Variants in ITGBL1 observed in about 807,000 individuals in gnomAD.
ITGBL1 encodes integrin subunit beta like 1.
In ITGBL1, 51 loss-of-function variants were observed where a neutral mutation model predicts 68.5. That is an observed-to-expected ratio of 0.74 (90% CI 0.59 to 0.94). The LOEUF is 0.94. Ranked by LOEUF, ITGBL1 falls within the 40% of genes least tolerant of loss-of-function variation. The probability of loss-of-function intolerance (pLI) is 0.00; values close to 1 mark genes in which losing one functional copy is unlikely to be tolerated. For missense variants in ITGBL1, 649 were observed against 647.4 expected, an observed-to-expected ratio of 1.00 and a Z score of -0.03; for synonymous variants, 209 against 227.3, an observed-to-expected ratio of 0.92 and a Z score of 0.72.
intron 2 of ITGBL1, among the ~76,000 whole-genome samples, chr13:101,549,817 G>A (rs548241138): frequency 3.4e-4 from 52 of 151,962 alleles, no homozygotes; most frequent in African/African-American, 1.3e-3. Context: ...CACATTGTCG[G>A]TGAAAATAAA....
intron 7 of ITGBL1, among the ~76,000 whole-genome samples, chr13:101,619,334 A>G (rs993537698): frequency 1.3e-5 from 2 of 152,034 alleles, no homozygotes; most frequent in African/African-American, 4.8e-5. Context: ...GGTGTGCCCA[A>G]TACAATCACA....
At chr13:101,683,202 T>C (rs1447078482) in intron 7 of ITGBL1, among the ~76,000 whole-genome samples, 1 of 152,044 alleles carries the variant, frequency 6.6e-6, no homozygotes, top group East Asian at 1.9e-4. Context: ...ACCCTCTCCC[T>C]AAAAAGATAA....
At chr13:101,666,940 C>T (rs1449989171) in intron 7 of ITGBL1, among the ~76,000 whole-genome samples, 1 of 152,134 alleles carries the variant, frequency 6.6e-6, no homozygotes, top group Non-Finnish European at 1.5e-5. Context: ...AGCCATCTGC[C>T]AAGTATGAAA....
At chr13:101,709,120 C>T (rs1291103802) in intron 9 of ITGBL1, among the ~76,000 whole-genome samples, 1 of 151,498 alleles carries the variant, frequency 6.6e-6, no homozygotes, top group Non-Finnish European at 1.5e-5. Flanking sequence ...AATCCCAGCA[C>T]TTTGGGAGGC....
chr13:101,468,073 A>T (rs1405882811), intron 2 of ITGBL1, among the ~76,000 whole-genome samples: 1 of 152,226 alleles, frequency 6.6e-6, no homozygotes, highest in Non-Finnish European at 1.5e-5. Flanking sequence ...TCTGCTGAGC[A>T]AAATAGTTAG....
chr13:101,645,362 C>G (rs1308037500), intron 7 of ITGBL1, among the ~76,000 whole-genome samples: 1 of 152,076 alleles, frequency 6.6e-6, no homozygotes, highest in Non-Finnish European at 1.5e-5. Context: ...TTTCAGGAGC[C>G]CACTCAGTGG....
chr13:101,663,400 A>G (rs1242803401), intron 7 of ITGBL1, among the ~76,000 whole-genome samples: 1 of 152,120 alleles, frequency 6.6e-6, no homozygotes, highest in Non-Finnish European at 1.5e-5. Context: ...GAAAACAAGG[A>G]ACTGAATCTT....
intron 7 of ITGBL1, among the ~76,000 whole-genome samples, chr13:101,625,849 C>A (rs1021819366): frequency 6.6e-6 from 1 of 152,136 alleles, no homozygotes; most frequent in African/African-American, 2.4e-5. Flanking sequence ...CCACCGCACC[C>A]GGCCAGTAAT....
chr13:101,540,900 A>C (rs2049684948), intron 2 of ITGBL1, among the ~76,000 whole-genome samples: 1 of 139,246 alleles, frequency 7.2e-6, no homozygotes, highest in Non-Finnish European at 1.5e-5. Context: ...TTGCACATTG[A>C]TTTTGTATCC....
At chr13:101,577,299 T>C (rs904030021) in intron 4 of ITGBL1, among the ~76,000 whole-genome samples, 1 of 152,222 alleles carries the variant, frequency 6.6e-6, no homozygotes, top group African/African-American at 2.4e-5. Flanking sequence ...AAATAGACAT[T>C]TTCTTGCTCT....
At chr13:101,688,480 C>T (rs1055594287) in intron 7 of ITGBL1, among the ~76,000 whole-genome samples, 1 of 152,122 alleles carries the variant, frequency 6.6e-6, no homozygotes, top group Non-Finnish European at 1.5e-5. Context: ...AACATGAGTG[C>T]TCTATAATTG....
chr13:101,657,067 G>A (rs1016335617), intron 7 of ITGBL1, among the ~76,000 whole-genome samples: 3 of 151,914 alleles, frequency 2.0e-5, no homozygotes, highest in Admixed American at 2.0e-4. Context: ...TAACTCGTCA[G>A]TATTGCTTCT....
chr13:101,546,483 A>C (rs1332097672), intron 2 of ITGBL1, among the ~76,000 whole-genome samples: 2 of 152,212 alleles, frequency 1.3e-5, no homozygotes, highest in East Asian at 3.8e-4. Flanking sequence ...AAAAAAGTAA[A>C]GAAAGATAAT....
intron 2 of ITGBL1, among the ~76,000 whole-genome samples, chr13:101,525,466 C>T (rs916959566): frequency 4.4e-5 from 2 of 45,876 alleles, no homozygotes; most frequent in African/African-American, 1.9e-4. Flanking sequence ...TTTTCATCAC[C>T]TCCTTTTCTT....
chr13:101,718,411 G>A (rs2139634638), downstream of ITGBL1: 1 of 152,036 alleles, frequency 6.6e-6, no homozygotes, highest in African/African-American at 2.4e-5. Context: ...AAACAAGCAG[G>A]GCAAGAACAA....
At chr13:101,494,505 C>T (rs937644495) in intron 2 of ITGBL1, among the ~76,000 whole-genome samples, 1 of 152,150 alleles carries the variant, frequency 6.6e-6, no homozygotes, top group Non-Finnish European at 1.5e-5. Context: ...ATGCTTCATA[C>T]GCACTTTCTC....
chr13:101,460,397 C>T (rs2048302004), intron 2 of ITGBL1, among the ~76,000 whole-genome samples: 1 of 152,240 alleles, frequency 6.6e-6, no homozygotes, highest in African/African-American at 2.4e-5. Flanking sequence ...TCCCCACTAG[C>T]TCACCCACTG....
intron 7 of ITGBL1, among the ~76,000 whole-genome samples, chr13:101,655,627 C>T (rs2032897110): frequency 6.6e-6 from 1 of 152,196 alleles, no homozygotes; most frequent in African/African-American, 2.4e-5. Context: ...GAAGCTAATG[C>T]TAGATCTTAT....
At chr13:101,560,083 G>A (rs887002491) in intron 2 of ITGBL1, among the ~76,000 whole-genome samples, 1 of 152,090 alleles carries the variant, frequency 6.6e-6, no homozygotes, top group Non-Finnish European at 1.5e-5. Context: ...TCTTAAAAAT[G>A]GTGAAGTTTC....
Sources: gnomAD v4.1 joint callset for allele counts (sites outside exome capture counted in the v4.1 genomes callset) on GRCh38, gnomAD v4.1.1 for gene constraint, MANE v1.5 for transcripts, NCBI Gene and HGNC (gene_info 2026-07-23, HGNC 2026-07-21) for gene names.